BACE2: variants seen among roughly 807,000 people sequenced by gnomAD.
The protein encoded by BACE2 is beta-secretase 2, also known as 56 kDa aspartic-like protease.
A neutral mutation model predicts 46.2 loss-of-function variants in BACE2; 17 were observed. The observed-to-expected ratio is 0.37, with a 90% CI of 0.25 to 0.55. The LOEUF (loss-of-function observed/expected upper bound fraction) is 0.55. BACE2 is among the 20% of genes least tolerant of loss of function. BACE2 has a pLI of 0.82. For missense variants in BACE2, 595 were observed against 698.1 expected (o/e 0.85, Z 1.66); for synonymous variants, 277 against 295.9 (o/e 0.94, Z 0.66).
intron 2 of BACE2, among the ~76,000 whole-genome samples, chr21:41,235,671 G>A (rs553997665): frequency 1.3e-5 from 2 of 151,806 alleles, no homozygotes; most frequent in African/African-American, 2.4e-5. Flanking sequence ...ACCCTGTCTC[G>A]GCAAAAAAAG....
chr21:41,235,709 G>A (rs1987098196), intron 2 of BACE2, among the ~76,000 whole-genome samples: 2 of 152,246 alleles, frequency 1.3e-5, no homozygotes, highest in Admixed American at 1.3e-4. Context: ...GGGCTTGATG[G>A]TGTGCACCTG....
chr21:41,212,836 G>A (rs1389667096), intron 1 of BACE2, among the ~76,000 whole-genome samples: 1 of 152,178 alleles, frequency 6.6e-6, no homozygotes, highest in African/African-American at 2.4e-5. Context: ...CTGTCTTCTC[G>A]CTTCTAGCTT....
chr21:41,217,078 T>C (rs1261572100), intron 1 of BACE2, among the ~76,000 whole-genome samples: 4 of 152,140 alleles, frequency 2.6e-5, no homozygotes, highest in African/African-American at 9.7e-5. Flanking sequence ...ATTACAGGTG[T>C]GTGCCACCAC....
Position 41,275,606 on chromosome 21 carries a change from C to T in BACE2, c.1539C>T (p.Val513=). ...TCGTCAATGATGAGTCCTCTCTGGT[C>T]AGACATCGCTGGAAATGAATAGCCA... ...PEVVNDESSL[V]RHRWK is the part of the protein sequence containing the mutation. The change falls in exon 9 of 9, where the codon GTC becomes GTT. Residue 513 remains valine, a synonymous_variant. Coordinates refer to ENST00000330333, the MANE Select transcript of BACE2 (RefSeq NM_012105.5). 1 of 1,613,984 alleles carries T rather than the reference C, an allele frequency of 6.2e-7. No individual in the cohort carries two copies. Among genetic ancestry groups the T allele is most frequent in the Non-Finnish European group, 8.5e-7 (1 of 1,180,002 alleles).
intron 1 of BACE2, among the ~76,000 whole-genome samples, chr21:41,204,038 A>C (rs1390687420): frequency 2.0e-5 from 3 of 152,092 alleles, no homozygotes; most frequent in African/African-American, 7.2e-5. Context: ...CTGTGGTTGG[A>C]GGACAATGTG....
intron 6 of BACE2, among the ~76,000 whole-genome samples, chr21:41,249,005 C>T (rs564227028): frequency 3.3e-5 from 5 of 152,360 alleles, no homozygotes; most frequent in East Asian, 3.9e-4. Context: ...CACCCTCCTA[C>T]GTGATCCCAT....
chr21:41,273,187 G>T (rs2123653523), intron 8 of BACE2, among the ~76,000 whole-genome samples: 1 of 152,348 alleles, frequency 6.6e-6, no homozygotes, highest in East Asian at 1.9e-4. Flanking sequence ...GGCAGGGCAA[G>T]ATCACAGGAC....
intron 1 of BACE2, among the ~76,000 whole-genome samples, chr21:41,223,672 CT>C (rs1010378735): frequency 3.3e-5 from 5 of 152,144 alleles, no homozygotes; most frequent in African/African-American, 7.2e-5. Context: ...CTGTAAAGAC[CT>C]TTTTTCCAAA....
intron 7 of BACE2, among the ~76,000 whole-genome samples, chr21:41,256,900 T>A (rs1987801035): frequency 6.6e-6 from 1 of 152,128 alleles, no homozygotes; most frequent in Admixed American, 6.5e-5. Flanking sequence ...TGGACAGACG[T>A]CTTCTGGGTG....
chr21:41,231,541 A>G (rs192471013), intron 2 of BACE2, among the ~76,000 whole-genome samples: 2 of 152,338 alleles, frequency 1.3e-5, no homozygotes, highest in Admixed American at 6.5e-5. Context: ...TGTTCTCTGC[A>G]ACCAACAGCA....
intron 1 of BACE2, among the ~76,000 whole-genome samples, chr21:41,217,560 G>A (rs892139841): frequency 2.0e-5 from 3 of 152,138 alleles, no homozygotes; most frequent in African/African-American, 7.2e-5. Context: ...CTTCCCTGTG[G>A]CAGCTCATGG....
Position 41,220,594 on chromosome 21 carries a change from G to A in BACE2, c.313-5672G>A, listed in dbSNP as rs532649912. Among the ~76,000 whole-genome samples, 63 of 152,188 alleles carry A rather than the reference G, an allele frequency of 4.1e-4. 1 individual carries two copies. The South Asian group carries it at 0.013, about 31-fold the overall frequency. On this transcript the variant is annotated intron_variant, in intron 1 of 8. Transcript: ENST00000330333. ...CACAATCTTTCATGCCCTTTTGTAC[G>A]TTTATGAGAAATTAGGATTAAATCT...
At chr21:41,243,354 C>T (rs1348380151) in intron 4 of BACE2, 22 bp from the exon 5 acceptor site, 1 of 1,570,378 alleles carries the variant, frequency 6.4e-7, no homozygotes, top group Non-Finnish European at 8.6e-7. Flanking sequence ...TCTCTTATAC[C>T]TGTAAATATT....
At chr21:41,173,985 TC>T (rs1984700904) in intron 1 of BACE2, among the ~76,000 whole-genome samples, 2 of 151,354 alleles carry the variant, frequency 1.3e-5, no homozygotes, top group African/African-American at 2.4e-5. Context: ...AACAGGTGCT[TC>T]CCCCCATACT....
rs138594641 is a variant in BACE2, at chr21:41,246,033, G to A, written c.954G>A (p.Ala318=). ...LLRLPQKVFD[A]VVEAVARASL... ...GCCTGCCCCAGAAGGTGTTTGATGCGGTGGTGGAAGCTGTGGCCCGCGCAT... is the reference window on the plus strand; with the variant it reads ...GCCTGCCCCAGAAGGTGTTTGATGCAGTGGTGGAAGCTGTGGCCCGCGCAT... The change falls in exon 6 of 9, where the codon GCG becomes GCA. Residue 318 remains alanine (A), a synonymous_variant. Coordinates refer to ENST00000330333, the MANE Select transcript of BACE2 (RefSeq NM_012105.5). 441 of 1,609,104 alleles carry A rather than the reference G, an allele frequency of 2.7e-4. 9 individuals are homozygous for A. The East Asian group carries it at 9.6e-3, about 35-fold the overall frequency.
chr21:41,268,150 C>A (rs1480265944), intron 8 of BACE2, among the ~76,000 whole-genome samples: 7 of 152,190 alleles, frequency 4.6e-5, no homozygotes, highest in Non-Finnish European at 1.0e-4. Flanking sequence ...TGCTTAACAT[C>A]TATTAACTTG....
chr21:41,231,159 T>A (rs907537741), intron 2 of BACE2, among the ~76,000 whole-genome samples: 1 of 152,220 alleles, frequency 6.6e-6, no homozygotes, highest in Non-Finnish European at 1.5e-5. Flanking sequence ...ATTATTGAGA[T>A]CATTTCTCAA....
At chr21:41,229,678 A>G (rs911894689) in intron 2 of BACE2, among the ~76,000 whole-genome samples, 2 of 152,218 alleles carry the variant, frequency 1.3e-5, no homozygotes, top group African/African-American at 4.8e-5. Context: ...AACTGTGTTC[A>G]GTGTTTGGTT....
At chr21:41,272,886 A>G (rs1408863703) in intron 8 of BACE2, among the ~76,000 whole-genome samples, 2 of 152,140 alleles carry the variant, frequency 1.3e-5, no homozygotes, top group East Asian at 1.9e-4. Context: ...GTTGAAACCT[A>G]TCGGGGGAAC....
Sources: gnomAD v4.1 joint callset for allele counts (sites outside exome capture counted in the v4.1 genomes callset) on GRCh38, gnomAD v4.1.1 for gene constraint, MANE v1.5 for transcripts, NCBI Gene and HGNC (gene_info 2026-07-23, HGNC 2026-07-21) for gene names.